SCN9A: variants seen among roughly 807,000 people sequenced by gnomAD.
SCN9A encodes the protein sodium channel protein type 9 subunit alpha.
Under a neutral mutation model 187.0 loss-of-function variants are expected in SCN9A, and 131 were observed. That is an observed-to-expected ratio of 0.70 (90% CI 0.61 to 0.81). The LOEUF is 0.81. SCN9A is among the 30% of genes least tolerant of loss of function. The probability of loss-of-function intolerance (pLI) is 0.00; values close to 1 mark genes in which losing one functional copy is unlikely to be tolerated. For synonymous variants in SCN9A, 809 were observed against 808.6 expected, an observed-to-expected ratio of 1.00 and a Z score of -0.01; for missense variants, 2,252 against 2,396.6, an observed-to-expected ratio of 0.94 and a Z score of 1.26.
At position 166,306,629 on chromosome 2, in the gene SCN9A, G is replaced by A. The variant is rs369229821; in HGVS notation, c.378-30C>T. On this transcript the variant is annotated intron_variant, in intron 3 of 26. Coordinates refer to ENST00000642356, the MANE Select transcript of SCN9A (RefSeq NM_001365536.1). ...CTTAGAATCAAGGAACAAAAGAGAC[G>A]ACAGTGGGAATTTGAAATATTTGAG... 105 of 1,407,258 alleles carry A rather than the reference G, an allele frequency of 7.5e-5. No individual in the cohort carries two copies. In the Admixed American group the frequency reaches 7.6e-4, roughly 10 times the overall value. The allele number at this position is 1,407,258 out of a possible 1,614,324, so 87.2% of individuals were successfully genotyped here. A position where few individuals can be genotyped will look rare whatever the true frequency, so the allele number is the denominator to read the frequency against.
chr2:166,207,039 G>A (rs948851704), intron 24 of SCN9A, among the ~76,000 whole-genome samples: 16 of 152,088 alleles, frequency 1.1e-4, no homozygotes, highest in Non-Finnish European at 2.1e-4. Flanking sequence ...ATCTTACAAA[G>A]GGGGGCTAGA....
intron 24 of SCN9A, among the ~76,000 whole-genome samples, chr2:166,219,277 T>C (rs866982701): frequency 6.6e-6 from 1 of 152,192 alleles, no homozygotes; most frequent in African/African-American, 2.4e-5. Flanking sequence ...CATATGTTTA[T>C]TGGAGCACTA....
chr2:166,215,636 C>T (rs897813439), intron 24 of SCN9A, among the ~76,000 whole-genome samples: 1 of 151,784 alleles, frequency 6.6e-6, no homozygotes, highest in Non-Finnish European at 1.5e-5. Context: ...AACAACCATA[C>T]ACCATCAAAT....
At chr2:166,278,112 T>C (rs1211488670) in intron 15 of SCN9A, 28 bp downstream of exon 15, 8 of 1,588,674 alleles carry the variant, frequency 5.0e-6, no homozygotes, top group Non-Finnish European at 6.9e-6. Context: ...TATTATAGAA[T>C]ATAATGGCAA....
Position 166,242,517 on chromosome 2 carries a change from G to T in SCN9A, c.3612C>A (p.Leu1204=). The T allele has an allele frequency of 6.3e-7, 1 of 1,596,304 alleles. No homozygotes were observed. Among genetic ancestry groups the T allele is most frequent in the Non-Finnish European group, 8.5e-7 (1 of 1,170,838 alleles). ...GATCATTTACCAGGGCACCACTGCT[G>T]AGCAGGATCATGAGGACAATGAAGC... ...FESFIVLMIL[L]SSGALAFEDI... is the part of the protein sequence containing the mutation. The change falls in exon 19 of 27, where the codon CTC becomes CTA. Residue 1204 remains leucine, a synonymous_variant. Coordinates refer to ENST00000642356, the MANE Select transcript of SCN9A (RefSeq NM_001365536.1).
At chr2:166,331,481 C>T (rs143769263) in intron 1 of SCN9A, among the ~76,000 whole-genome samples, 2 of 152,242 alleles carry the variant, frequency 1.3e-5, no homozygotes, top group Admixed American at 6.5e-5. Context: ...TACTCTAAAT[C>T]GACAACACCC....
intron 17 of SCN9A, among the ~76,000 whole-genome samples, chr2:166,252,355 G>T (rs1198036052): frequency 6.6e-6 from 1 of 151,904 alleles, no homozygotes; most frequent in Admixed American, 6.6e-5. Context: ...CTTATTGATA[G>T]TTAAAATTTT....
intron 1 of SCN9A, among the ~76,000 whole-genome samples, chr2:166,336,722 A>C (rs1699638626): frequency 6.6e-6 from 1 of 152,108 alleles, no homozygotes; most frequent in Non-Finnish European, 1.5e-5. Flanking sequence ...CTAGGCTTCC[A>C]ATATATCCAC....
intron 2 of SCN9A, among the ~76,000 whole-genome samples, chr2:166,308,621 G>C (rs1262968493): frequency 6.6e-6 from 1 of 152,014 alleles, no homozygotes; most frequent in Non-Finnish European, 1.5e-5. Context: ...CTTTATAGCA[G>C]TGTAAAAATG....
rs200949711 is a variant in SCN9A, at chr2:166,198,540, A to G, written c.*132T>C. ...TGCTGCCCACCTTTCTTAGGAAATCAGAGTTAGTGACTGCACTGCCTTCGA... is the reference window on the plus strand; with the variant it reads ...TGCTGCCCACCTTTCTTAGGAAATCGGAGTTAGTGACTGCACTGCCTTCGA... On this transcript the variant is annotated 3_prime_UTR_variant, in exon 27 of 27. Coordinates refer to ENST00000642356, the MANE Select transcript of SCN9A (RefSeq NM_001365536.1). 5 of 661,810 alleles carry G rather than the reference A, an allele frequency of 7.6e-6. No individual in the cohort carries two copies. The highest frequency in any genetic ancestry group is 1.0e-5 in the Non-Finnish European group (4 of 396,616). 41.0% of individuals were successfully genotyped at this position (661,810 alleles called of 1,614,324 possible).
chr2:166,212,752 C>A (rs1400396462), intron 24 of SCN9A, among the ~76,000 whole-genome samples: 1 of 152,088 alleles, frequency 6.6e-6, no homozygotes, highest in Non-Finnish European at 1.5e-5. Context: ...TTTGTTTTGA[C>A]AACTGTTAAG....
intron 1 of SCN9A, among the ~76,000 whole-genome samples, chr2:166,351,427 G>T (rs189068219): frequency 1.3e-5 from 2 of 152,238 alleles, no homozygotes; most frequent in Admixed American, 6.5e-5. Flanking sequence ...TGGGTCATGT[G>T]GTAAGGTTCT....
Position 166,227,732 on chromosome 2 carries a change from A to G in SCN9A, c.4207-9T>C. ...CATCCCTTAAAAGTTGCCTTTAAGAATAACATTAATAGAATTTGAATGTTA... is the reference window on the plus strand; with the variant it reads ...CATCCCTTAAAAGTTGCCTTTAAGAGTAACATTAATAGAATTTGAATGTTA... On this transcript the variant is annotated splice_polypyrimidine_tract_variant and intron_variant, in intron 22 of 26. Coordinates refer to ENST00000642356, the MANE Select transcript of SCN9A (RefSeq NM_001365536.1). The G allele has an allele frequency of 1.5e-6, 2 of 1,373,054 alleles. No individual in the cohort carries two copies. The highest frequency in any genetic ancestry group is 2.0e-6 in the Non-Finnish European group (2 of 983,136). 85.1% of individuals were successfully genotyped at this position (1,373,054 alleles called of 1,614,324 possible). A position where few individuals can be genotyped will look rare whatever the true frequency, so the allele number is the denominator to read the frequency against.
At chr2:166,338,821 A>G (rs6729030) in intron 1 of SCN9A, among the ~76,000 whole-genome samples, 23,688 of 152,038 alleles carry the variant, frequency 0.16, 1,864 homozygotes, top group Admixed American at 0.19. Flanking sequence ...GAATTTTTCA[A>G]TTCACAACTA....
chr2:166,368,439 G>T (rs540400302), intron 1 of SCN9A, among the ~76,000 whole-genome samples: 8 of 152,238 alleles, frequency 5.3e-5, no homozygotes, highest in Non-Finnish European at 1.0e-4. Flanking sequence ...TTCGAGACTA[G>T]TCTGGCCAAC....
At chr2:166,335,047 C>T (rs1217916804) in intron 1 of SCN9A, among the ~76,000 whole-genome samples, 2 of 152,094 alleles carry the variant, frequency 1.3e-5, no homozygotes, top group African/African-American at 2.4e-5. Flanking sequence ...TTGTATGCTG[C>T]ACAAAGAGCT....
chr2:166,299,709 G>T (rs567099115), intron 7 of SCN9A, among the ~76,000 whole-genome samples: 3 of 150,620 alleles, frequency 2.0e-5, no homozygotes, highest in Admixed American at 1.3e-4. Context: ...CTTTCTTTTT[G>T]CTGATTGCTC....
At chr2:166,250,111 T>C (rs1425574952) in intron 18 of SCN9A, among the ~76,000 whole-genome samples, 1 of 152,152 alleles carries the variant, frequency 6.6e-6, no homozygotes, top group Admixed American at 6.6e-5. Context: ...TTGGTGTGTA[T>C]TTAAAGAAAA....
chr2:166,211,720 T>C (rs1694102568), intron 24 of SCN9A, among the ~76,000 whole-genome samples: 1 of 148,276 alleles, frequency 6.7e-6, no homozygotes, highest in South Asian at 2.1e-4. Context: ...AAGTAGACTA[T>C]TATAAGATAT....
Sources: allele counts gnomAD v4.1 joint callset (sites outside exome capture counted in the v4.1 genomes callset), GRCh38; gene constraint gnomAD v4.1.1; transcripts MANE v1.5; gene names NCBI Gene and HGNC (gene_info 2026-07-23, HGNC 2026-07-21).